HLCS: variants seen among roughly 807,000 people sequenced by gnomAD.
HLCS encodes biotin--protein ligase.
In HLCS, 53 loss-of-function variants were observed where a neutral mutation model predicts 75.0. That is an observed-to-expected ratio of 0.71 (90% CI 0.57 to 0.89). The LOEUF (loss-of-function observed/expected upper bound fraction) is 0.89, where lower values mean the gene tolerates loss of function less well. HLCS is among the 40% of genes least tolerant of loss of function. HLCS has a pLI of 0.00. For synonymous variants in HLCS, 431 were observed against 428.6 expected (o/e 1.01, Z -0.07); for missense variants, 966 against 1,074.0 (o/e 0.90, Z 1.41).
chr21:36,798,539 C>T (rs2061099093), intron 6 of HLCS, among the ~76,000 whole-genome samples: 1 of 152,232 alleles, frequency 6.6e-6, no homozygotes, highest in Non-Finnish European at 1.5e-5. Flanking sequence ...GATTGACTGA[C>T]TGATTGATCT....
intron 5 of HLCS, 111 bp from the exon 6 acceptor site, chr21:36,897,242 C>A: frequency 9.7e-7 from 1 of 1,031,018 alleles, no homozygotes. Flanking sequence ...TAATTCATGA[C>A]CAAGAAAAGC....
At position 36,966,425 on chromosome 21, in the gene HLCS, G is replaced by GGGCCCCCCC; in HGVS notation, c.195+18_195+19insGGGGGGGCC. The GGGCCCCCCC allele has an allele frequency of 3.1e-4, 61 of 195,406 alleles. No individual in the cohort carries two copies. The highest frequency in any genetic ancestry group is 4.8e-4 in the Non-Finnish European group (56 of 116,662). 12.1% of individuals were successfully genotyped at this position (195,406 alleles called of 1,614,324 possible). A position where few individuals can be genotyped will look rare whatever the true frequency, so the allele number is the denominator to read the frequency against. ...CCGGCTCGCGGGGCCCGGGTCGCCC[G>GGGCCCCCCC]CCCGCCCGACCCGCCCACCTGGCTG... On this transcript the variant is annotated intron_variant, in intron 1 of 10. Transcript: ENST00000674895.
Position 36,868,640 on chromosome 21 carries a change from C to T in HLCS, c.1892+28220G>A, listed in dbSNP as rs138527463. Among the ~76,000 whole-genome samples, 855 of 151,450 alleles carry T rather than the reference C, an allele frequency of 5.6e-3. 8 individuals are homozygous for T. Among genetic ancestry groups the T allele is most frequent in the African/African-American group, 0.016 (675 of 41,188 alleles). On this transcript the variant is annotated intron_variant, in intron 6 of 10. Coordinates refer to ENST00000674895, the MANE Select transcript of HLCS (RefSeq NM_001352514.2). ...CCATAAAATATAAAGAAAATGATGA[C>T]CAAAATAAAAATAGTCATAAAAAAA...
At chr21:36,893,958 C>T (rs139600880) in intron 6 of HLCS, among the ~76,000 whole-genome samples, 2 of 152,274 alleles carry the variant, frequency 1.3e-5, no homozygotes, top group African/African-American at 4.8e-5. Context: ...AAGTATAGCT[C>T]GTTAACATGG....
At chr21:36,975,823 T>A (rs1424996337) in intron 1 of HLCS, among the ~76,000 whole-genome samples, 1 of 152,118 alleles carries the variant, frequency 6.6e-6, no homozygotes, top group Non-Finnish European at 1.5e-5. Flanking sequence ...CGGGTCTCCC[T>A]CATTGGCAGC....
At chr21:36,949,099 T>C (rs1015183342) in intron 2 of HLCS, among the ~76,000 whole-genome samples, 2 of 152,170 alleles carry the variant, frequency 1.3e-5, no homozygotes, top group African/African-American at 2.4e-5. Context: ...ATTCCACTGA[T>C]GTAAGCTGAG....
rs138795396 is a variant in HLCS at position 36,785,370 on chromosome 21, AT to A, written c.1893-18086del. On this transcript the variant is annotated intron_variant, in intron 6 of 10. Transcript: ENST00000674895. ...CCCCGTGAACGAAACCTGGTTCGGA[AT>A]CCAATTCTACAACAGATTTTCGTTC... Among the ~76,000 whole-genome samples the A allele has an allele frequency of 1.8e-3, 272 of 152,112 alleles. 2 individuals are homozygous for A. The highest frequency in any genetic ancestry group is 6.3e-3 in the African/African-American group (259 of 41,388).
intron 1 of HLCS, among the ~76,000 whole-genome samples, chr21:36,977,527 G>A (rs1441135756): frequency 1.3e-5 from 2 of 152,218 alleles, no homozygotes; most frequent in Non-Finnish European, 2.9e-5. Flanking sequence ...GCAGCTTTAA[G>A]AGGTCAAATA....
At chr21:36,917,307 GC>G (rs2065974528) in intron 5 of HLCS, among the ~76,000 whole-genome samples, 1 of 152,134 alleles carries the variant, frequency 6.6e-6, no homozygotes, top group Non-Finnish European at 1.5e-5. Context: ...CCTTCATGCT[GC>G]CTTTGCCGGG....
At chr21:36,877,134 T>A (rs2146256867) in intron 6 of HLCS, among the ~76,000 whole-genome samples, 1 of 152,344 alleles carries the variant, frequency 6.6e-6, no homozygotes, top group South Asian at 2.1e-4. Flanking sequence ...TGTGTCTTTA[T>A]AATTGAAGTG....
chr21:36,837,792 T>C (rs1344533073), intron 6 of HLCS, among the ~76,000 whole-genome samples: 1 of 152,212 alleles, frequency 6.6e-6, no homozygotes, highest in Non-Finnish European at 1.5e-5. Context: ...CACTCCTGCC[T>C]GGGTGGGCTC....
At chr21:36,958,133 C>T (rs1435321506) in intron 2 of HLCS, among the ~76,000 whole-genome samples, 6 of 151,434 alleles carry the variant, frequency 4.0e-5, no homozygotes, top group Admixed American at 6.6e-5. Flanking sequence ...GTCCCAGCTA[C>T]TCGGGTGGCT....
At chr21:36,800,996 A>G (rs2061181199) in intron 6 of HLCS, among the ~76,000 whole-genome samples, 1 of 152,174 alleles carries the variant, frequency 6.6e-6, no homozygotes, top group African/African-American at 2.4e-5. Flanking sequence ...CATGGCTGTG[A>G]TATGTAGCTG....
At chr21:36,979,467 G>A (rs2069047314) in intron 1 of HLCS, among the ~76,000 whole-genome samples, 1 of 152,100 alleles carries the variant, frequency 6.6e-6, no homozygotes, top group African/African-American at 2.4e-5. Flanking sequence ...TTCTATAGAG[G>A]CACCCAGGAT....
chr21:36,800,052 T>C (rs1569027348), intron 6 of HLCS, among the ~76,000 whole-genome samples: 4 of 152,148 alleles, frequency 2.6e-5, no homozygotes, highest in Admixed American at 2.0e-4. Context: ...CATTTCCACA[T>C]TTATGAACCG....
chr21:36,836,704 G>T (rs1170987012), intron 6 of HLCS, among the ~76,000 whole-genome samples: 2 of 151,486 alleles, frequency 1.3e-5, no homozygotes, highest in Non-Finnish European at 2.9e-5. Context: ...GTGGGCAAAG[G>T]ACATGAACAG....
intron 6 of HLCS, among the ~76,000 whole-genome samples, chr21:36,769,402 G>C (rs904548132): frequency 6.6e-5 from 10 of 152,198 alleles, no homozygotes; most frequent in Non-Finnish European, 1.2e-4. Context: ...CTGCATTTCT[G>C]AAAATGAAGC....
intron 6 of HLCS, among the ~76,000 whole-genome samples, chr21:36,809,591 T>C (rs112996406): frequency 6.6e-6 from 1 of 152,324 alleles, no homozygotes; most frequent in Non-Finnish European, 1.5e-5. Flanking sequence ...AGCTGTTAAG[T>C]CCACTCAGTA....
chr21:36,821,702 A>T (rs2061846441), intron 6 of HLCS, among the ~76,000 whole-genome samples: 1 of 152,264 alleles, frequency 6.6e-6, no homozygotes, highest in African/African-American at 2.4e-5. Context: ...TAAAGACACA[A>T]AACACTTTCC....
Sources: gnomAD v4.1 joint callset for allele counts (sites outside exome capture counted in the v4.1 genomes callset) on GRCh38, gnomAD v4.1.1 for gene constraint, MANE v1.5 for transcripts, NCBI Gene and HGNC (gene_info 2026-07-23, HGNC 2026-07-21) for gene names.